The following DMD variants were observed in gnomAD, a reference collection of about 807,000 sequenced individuals.
The protein encoded by DMD is mutant dystrophin.
DMD carries 63 observed loss-of-function variants against 330.1 expected under a neutral mutation model. The ratio of observed to expected loss-of-function variants is 0.19; its 90% CI spans 0.16 to 0.24. DMD has a LOEUF of 0.24. Among genes scored for constraint, DMD ranks in the 10% least tolerant of loss-of-function variants. The pLI, the probability that DMD is intolerant of heterozygous loss-of-function variation, is 1.00. For missense variants in DMD, 3,344 were observed against 2,684.1 expected, an observed-to-expected ratio of 1.25 and a Z score of -5.43; for synonymous variants, 1,223 against 959.8, an observed-to-expected ratio of 1.27 and a Z score of -5.07.
intron 74 of DMD, among the ~76,000 whole-genome samples, chrX:31,158,369 T>A (rs909462983): frequency 8.9e-6 from 1 of 112,277 alleles, no homozygotes; most frequent in African/African-American, 3.2e-5. Context: ...TTGTATTATT[T>A]CATTTACATT....
At chrX:31,332,105 T>C (rs187011576) in intron 61 of DMD, among the ~76,000 whole-genome samples, 1 of 112,326 alleles carries the variant, frequency 8.9e-6, no homozygotes, top group East Asian at 2.8e-4. Flanking sequence ...TGCTTGACCA[T>C]GTGACTTGCT....
intron 30 of DMD, among the ~76,000 whole-genome samples, chrX:32,396,941 C>T (rs1406768937): frequency 9.0e-6 from 1 of 110,984 alleles, no homozygotes; most frequent in African/African-American, 3.3e-5. Flanking sequence ...AGCACTTTAG[C>T]GCAGGCTTAT....
intron 17 of DMD, among the ~76,000 whole-genome samples, chrX:32,528,839 C>A (rs976129195): frequency 1.2e-4 from 13 of 108,738 alleles, no homozygotes; most frequent in Non-Finnish European, 2.1e-4. Context: ...TTTAAATTTA[C>A]CTACAGCCTG....
chrX:33,329,702 G>A (rs763625392), intron 1 of DMD, among the ~76,000 whole-genome samples: 8 of 111,566 alleles, frequency 7.2e-5, no homozygotes, highest in African/African-American at 2.6e-4. Context: ...TTCAGGAACT[G>A]TCTGTCCTAA....
intron 9 of DMD, among the ~76,000 whole-genome samples, chrX:32,680,628 G>T (rs1463708423): frequency 8.9e-6 from 1 of 111,966 alleles, no homozygotes; most frequent in African/African-American, 3.2e-5. Flanking sequence ...TTTGTTAAAA[G>T]ACTCATATAT....
intron 30 of DMD, among the ~76,000 whole-genome samples, chrX:32,394,920 A>C (rs201998859): frequency 1.7e-5 from 1 of 60,415 alleles, no homozygotes; most frequent in African/African-American, 5.9e-5. Context: ...AAAAAACAAA[A>C]AAAAAAAAAA....
At chrX:32,341,710 A>T (rs908706998) in intron 41 of DMD, among the ~76,000 whole-genome samples, 3 of 111,945 alleles carry the variant, frequency 2.7e-5, no homozygotes, top group Admixed American at 9.5e-5. Context: ...TCATGTATAC[A>T]TTAAGAAAGT....
chrX:32,472,135 A>G (rs755395004), intron 22 of DMD, 29 bp downstream of exon 22: 1 of 1,205,903 alleles, frequency 8.3e-7, no homozygotes, highest in Non-Finnish European at 1.1e-6. Flanking sequence ...AGCGTGCTTT[A>G]TTGTTTTGAC....
chrX:32,673,247 A>G (rs1269311335), intron 9 of DMD, among the ~76,000 whole-genome samples: 1 of 111,092 alleles, frequency 9.0e-6, no homozygotes, highest in Non-Finnish European at 1.9e-5. Flanking sequence ...ACCCCAACTC[A>G]AAATGATACT....
intron 44 of DMD, among the ~76,000 whole-genome samples, chrX:32,033,590 AC>A (rs752830684): frequency 0.067 from 2,471 of 37,061 alleles, 38 homozygotes; most frequent in Non-Finnish European, 0.09. Flanking sequence ...AAAAAACAAG[AC>A]AGACAGACAG....
chrX:32,645,016 C>T lies in DMD; in HGVS notation c.1097G>A (p.Gly366Glu), dbSNP rs763144501. The T allele has an allele frequency of 4.7e-5, 57 of 1,211,595 alleles. No homozygotes were observed. Among genetic ancestry groups the T allele is most frequent in the Non-Finnish European group, 6.4e-5 (57 of 895,473 alleles). Residue 366 changes from glycine (G) to glutamate (E), a missense_variant, in exon 10 of 79, where the codon GGA becomes GAA. By Grantham distance (98) the Gly-to-Glu change is moderately conservative (BLOSUM62 -2). Coordinates refer to ENST00000357033, the MANE Select transcript of DMD (RefSeq NM_004006.3). ...LSAEDTLQAQGEISNDVEVVK... is the reference protein window; with the variant it reads ...LSAEDTLQAQEEISNDVEVVK... ...CACTTCCACATCATTAGAAATCTCTCCTTGTGCTTGCAATGTGTCCTCAGC... is the reference window on the plus strand; with the variant it reads ...CACTTCCACATCATTAGAAATCTCTTCTTGTGCTTGCAATGTGTCCTCAGC...
At chrX:32,168,155 T>C (rs900298066) in intron 44 of DMD, among the ~76,000 whole-genome samples, 1 of 111,855 alleles carries the variant, frequency 8.9e-6, no homozygotes, top group East Asian at 2.8e-4. Context: ...TTGGCATGAC[T>C]GCTTGGTTTG....
intron 51 of DMD, among the ~76,000 whole-genome samples, chrX:31,742,840 A>G (rs1329081618): frequency 8.0e-5 from 9 of 112,288 alleles, no homozygotes; most frequent in African/African-American, 2.3e-4. Context: ...CCAAAAATTG[A>G]CAAGTGGAAC....
intron 11 of DMD, among the ~76,000 whole-genome samples, chrX:32,622,162 C>T (rs959208598): frequency 3.6e-5 from 4 of 111,548 alleles, no homozygotes; most frequent in Non-Finnish European, 7.5e-5. Context: ...CCTCCACTTA[C>T]AGAGAGAAGT....
At chrX:31,313,080 T>G (rs1215452418) in intron 62 of DMD, among the ~76,000 whole-genome samples, 5 of 84,503 alleles carry the variant, frequency 5.9e-5, no homozygotes, top group South Asian at 4.6e-4. Context: ...TTTGGTGTGT[T>G]TTTTTTTTTT....
chrX:32,606,928 C>G (rs1361587823), intron 12 of DMD, among the ~76,000 whole-genome samples: 1 of 108,862 alleles, frequency 9.2e-6, no homozygotes, highest in East Asian at 2.9e-4. Context: ...TAAGAAGAAA[C>G]TAAACAAAGG....
chrX:31,324,916 T>C (rs185542957), intron 61 of DMD, among the ~76,000 whole-genome samples: 23 of 112,401 alleles, frequency 2.0e-4, no homozygotes, highest in African/African-American at 6.8e-4. Context: ...CTCCAGCTTC[T>C]TTGTTTTATA....
At chrX:31,656,412 GGTCT>G (rs2080789480) in intron 54 of DMD, among the ~76,000 whole-genome samples, 1 of 111,467 alleles carries the variant, frequency 9.0e-6, no homozygotes, top group Non-Finnish European at 1.9e-5. Context: ...TGAAGAGAGG[GGTCT>G]GTCAGAAAGA....
chrX:32,822,576 A>AAG (rs932943094), intron 5 of DMD, among the ~76,000 whole-genome samples: 7 of 110,442 alleles, frequency 6.3e-5, no homozygotes, highest in African/African-American at 2.3e-4. Flanking sequence ...ATACATATAT[A>AAG]ATGTGTGGAT....
Sources: gnomAD v4.1 joint callset for allele counts (sites outside exome capture counted in the v4.1 genomes callset) on GRCh38, gnomAD v4.1.1 for gene constraint, MANE v1.5 for transcripts, NCBI Gene and HGNC (gene_info 2026-07-23, HGNC 2026-07-21) for gene names.